Variants in FBXL13 observed in about 807,000 individuals in gnomAD.
FBXL13 encodes the protein F-box and leucine rich repeat protein 13.
FBXL13 carries 67 observed loss-of-function variants against 83.6 expected under a neutral mutation model. The observed-to-expected ratio is 0.80, with a 90% CI of 0.66 to 0.98. The LOEUF is 0.98. FBXL13 is among the 50% of genes least tolerant of loss of function. The pLI is 0.00. For synonymous variants in FBXL13, 272 were observed against 299.5 expected (o/e 0.91, Z 0.95); for missense variants, 822 against 866.5 (o/e 0.95, Z 0.64).
At chr7:103,013,788 G>C (rs1316595270) in intron 6 of FBXL13, among the ~76,000 whole-genome samples, 1 of 151,586 alleles carries the variant, frequency 6.6e-6, no homozygotes, top group Non-Finnish European at 1.5e-5. Context: ...AAAAGTCAGA[G>C]ACGAACTAAA....
chr7:102,936,782 C>A (rs1820388872), intron 8 of FBXL13, among the ~76,000 whole-genome samples: 1 of 148,098 alleles, frequency 6.8e-6, no homozygotes, highest in South Asian at 2.2e-4. Flanking sequence ...ACCATCTATA[C>A]AAGATTTAAA....
At chr7:102,935,954 T>A (rs1563117643) in intron 8 of FBXL13, among the ~76,000 whole-genome samples, 1 of 152,170 alleles carries the variant, frequency 6.6e-6, no homozygotes, top group Non-Finnish European at 1.5e-5. Context: ...TTTATTAATG[T>A]TGTCAGGCAT....
chr7:102,947,344 T>C (rs1246794764), intron 8 of FBXL13, among the ~76,000 whole-genome samples: 1 of 152,196 alleles, frequency 6.6e-6, no homozygotes, highest in Non-Finnish European at 1.5e-5. Context: ...AGAGGCTAGT[T>C]AGGGATTTTA....
intron 8 of FBXL13, among the ~76,000 whole-genome samples, chr7:102,956,903 G>T (rs965320630): frequency 1.3e-5 from 2 of 152,076 alleles, no homozygotes; most frequent in African/African-American, 4.8e-5. Context: ...ACAAATGGAA[G>T]AACATTCCAT....
intron 6 of FBXL13, among the ~76,000 whole-genome samples, chr7:103,005,967 C>A (rs1585323191): frequency 2.0e-5 from 3 of 152,004 alleles, no homozygotes; most frequent in Admixed American, 6.6e-5. Context: ...GTAACTGGTA[C>A]CAGGCTATCC....
intron 16 of FBXL13, among the ~76,000 whole-genome samples, chr7:102,858,596 A>G (rs1184949737): frequency 6.6e-6 from 1 of 152,232 alleles, no homozygotes; most frequent in Non-Finnish European, 1.5e-5. Context: ...GGAAACCCAA[A>G]TGCCTATCAG....
chr7:102,830,368 A>G (rs1800445099), intron 18 of FBXL13, among the ~76,000 whole-genome samples: 2 of 152,144 alleles, frequency 1.3e-5, no homozygotes, highest in African/African-American at 4.8e-5. Context: ...CTTCTCACTA[A>G]GCCATGTGTT....
intron 16 of FBXL13, among the ~76,000 whole-genome samples, chr7:102,868,086 G>T (rs937741776): frequency 5.1e-4 from 78 of 152,208 alleles, no homozygotes; most frequent in African/African-American, 1.7e-3. Flanking sequence ...AACACATGTA[G>T]ACATTGTGTA....
intron 6 of FBXL13, among the ~76,000 whole-genome samples, chr7:102,984,792 C>G (rs1241890091): frequency 3.3e-5 from 5 of 152,152 alleles, no homozygotes; most frequent in Non-Finnish European, 5.9e-5. Flanking sequence ...ATGCGGGAAT[C>G]TAACTGCATA....
intron 1 of FBXL13, 43 bp from the exon 2 acceptor site, chr7:103,055,790 C>T: frequency 2.3e-6 from 2 of 883,408 alleles, no homozygotes; most frequent in Non-Finnish European, 3.1e-6. Flanking sequence ...TCTGAATTTT[C>T]ACGTTTTTAC....
At position 102,878,464 on chromosome 7, in the gene FBXL13, A is replaced by G. The variant is rs200939191; in HGVS notation, c.1389-14T>C. On this transcript the variant is annotated splice_polypyrimidine_tract_variant and intron_variant, in intron 14 of 19. Transcript: ENST00000313221. Reference sequence around the variant, plus strand: ...ATATCACCAATTCTGTAGGAAAGAGAGAAAAATTTTACATGTGATTCTATA... The same window carrying G: ...ATATCACCAATTCTGTAGGAAAGAGGGAAAAATTTTACATGTGATTCTATA... The G allele has an allele frequency of 4.6e-6, 6 of 1,312,016 alleles. No homozygotes were observed. The highest frequency in any genetic ancestry group is 3.3e-5 in the African/African-American group (2 of 60,390). The allele number at this position is 1,312,016 out of a possible 1,614,324, so 81.3% of individuals were successfully genotyped here.
intron 3 of FBXL13, among the ~76,000 whole-genome samples, chr7:103,028,993 G>T (rs1224930467): frequency 6.6e-6 from 1 of 151,916 alleles, no homozygotes; most frequent in East Asian, 1.9e-4. Flanking sequence ...AAATCATGTT[G>T]TCATAATTCC....
chr7:102,837,675 C>A (rs939851414), intron 17 of FBXL13, among the ~76,000 whole-genome samples: 3 of 152,180 alleles, frequency 2.0e-5, no homozygotes. Flanking sequence ...TCTACCTCAG[C>A]CTTCCACATA....
rs75774388 is a variant in FBXL13 at position 102,942,324 on chromosome 7, G to T, written c.725-10391C>A. 6.7e-4 allele frequency: 1,060 copies of T among 1,592,796 alleles called. 7 individuals are homozygous for T. The African/African-American group carries it at 0.014, about 20-fold the overall frequency. On this transcript the variant is annotated intron_variant, in intron 8 of 19. Coordinates refer to ENST00000313221, the Ensembl canonical transcript of FBXL13. Reference sequence around the variant, plus strand: ...GATGAAACCCTGCAAGTAGACTTACGTGAATGATTTTTGCTGTGGTAAGTA... The same window carrying T: ...GATGAAACCCTGCAAGTAGACTTACTTGAATGATTTTTGCTGTGGTAAGTA...
intron 16 of FBXL13, among the ~76,000 whole-genome samples, chr7:102,866,917 G>A (rs1447697885): frequency 6.6e-6 from 1 of 152,134 alleles, no homozygotes; most frequent in Non-Finnish European, 1.5e-5. Context: ...AGTGCTATAG[G>A]GAGACAGGCA....
chr7:103,025,107 G>T, exon 6 of FBXL13: 1 of 1,612,278 alleles, frequency 6.2e-7, no homozygotes, highest in South Asian at 1.1e-5. Flanking sequence ...TCACATTTTA[G>T]AGTCTCATCT....
At chr7:102,906,498 G>C (rs1163267689) in intron 11 of FBXL13, among the ~76,000 whole-genome samples, 1 of 152,088 alleles carries the variant, frequency 6.6e-6, no homozygotes, top group African/African-American at 2.4e-5. Context: ...TTTTCTTTCC[G>C]ATTGAAGTAC....
chr7:103,065,767 T>C lies in FBXL13; in HGVS notation c.-105+8479A>G, dbSNP rs181433965. Among the ~76,000 whole-genome samples, 3 of 152,284 alleles carry C rather than the reference T, an allele frequency of 2.0e-5. No homozygotes were observed. In the East Asian group the frequency reaches 5.8e-4, roughly 29 times the overall value. ...GGCTGAGGTATAGTGGGGAAGTCCA[T>C]TAGGTTGCCCTGAGACAGAGATAGT... On this transcript the variant is annotated intron_variant, in intron 1 of 19. Transcript: ENST00000313221.
At position 102,961,663 on chromosome 7, in the gene FBXL13, G is replaced by A. The variant is rs1478008859; in HGVS notation, c.724+1870C>T. 4.0e-5 allele frequency among the ~76,000 whole-genome samples: 6 copies of A among 151,638 alleles called. 1 individual carries two copies. Among genetic ancestry groups the A allele is most frequent in the African/African-American group, 1.2e-4 (5 of 41,174 alleles). ...ATATAGACCAATGGAACAGAACAGA[G>A]CCCTCAGAAATAACGCTGCATATCT... On this transcript the variant is annotated intron_variant, in intron 8 of 19. Transcript: ENST00000313221.
Sources: allele counts gnomAD v4.1 joint callset (sites outside exome capture counted in the v4.1 genomes callset), GRCh38; gene constraint gnomAD v4.1.1; transcripts MANE v1.5; gene names NCBI Gene and HGNC (gene_info 2026-07-23, HGNC 2026-07-21).